Variants in OR7C1 observed in about 807,000 individuals in gnomAD.
OR7C1 encodes olfactory receptor family 7 subfamily C member 1.
For synonymous variants in OR7C1, 152 were observed against 160.7 expected, an observed-to-expected ratio of 0.95 and a Z score of 0.41; for missense variants, 324 against 383.3, an observed-to-expected ratio of 0.85 and a Z score of 1.29.
At chr19:14,815,111 A>G (rs2044710143) in intron 1 of OR7C1, among the ~76,000 whole-genome samples, 1 of 152,184 alleles carries the variant, frequency 6.6e-6, no homozygotes, top group Non-Finnish European at 1.5e-5. Flanking sequence ...TCCACCAGAT[A>G]CTAACTGACC....
intron 1 of OR7C1, among the ~76,000 whole-genome samples, chr19:14,822,371 G>GTATTTT: frequency 1.1e-5 from 1 of 89,014 alleles, no homozygotes; most frequent in Non-Finnish European, 2.2e-5. Flanking sequence ...CTTATCTCCT[G>GTATTTT]TCTTTTTTTT....
intron 1 of OR7C1, chr19:14,828,327 T>C: frequency 1.5e-6 from 2 of 1,360,876 alleles, no homozygotes; most frequent in Non-Finnish European, 2.0e-6. Context: ...ATACCATCAT[T>C]TATATTTTAT....
intron 2 of OR7C1, among the ~76,000 whole-genome samples, chr19:14,804,120 C>T (rs1161430711): frequency 1.3e-5 from 2 of 152,270 alleles, no homozygotes; most frequent in Admixed American, 1.3e-4. Flanking sequence ...CCTGACCTCT[C>T]ACCTGTAGCT....
chr19:14,826,772 T>C (rs1203600795), intron 1 of OR7C1: 1 of 152,442 alleles, frequency 6.6e-6, no homozygotes, highest in African/African-American at 2.4e-5. Flanking sequence ...GACATGGCAC[T>C]GACAAAGACA....
chr19:14,815,804 T>TGTGTGTGTGTGTCTGTGTCTGG lies in OR7C1; in HGVS notation c.-622-5833_-622-5812dup, dbSNP rs911204278. Among the ~76,000 whole-genome samples, 221 of 151,736 alleles carry TGTGTGTGTGTGTCTGTGTCTGG rather than the reference T, an allele frequency of 1.5e-3. 1 individual carries two copies. Among genetic ancestry groups the TGTGTGTGTGTGTCTGTGTCTGG allele is most frequent in the African/African-American group, 5.1e-3 (212 of 41,316 alleles). ...TTGTGCGTGTGTGTGTGTGTGTGTG[T>TGTGTGTGTGTGTCTGTGTCTGG]GTGTGTGTGTGTCTGTGTCTGGGTG... On this transcript the variant is annotated intron_variant, in intron 1 of 4. Coordinates refer to ENST00000641666, the Ensembl canonical transcript of OR7C1.
intron 1 of OR7C1, among the ~76,000 whole-genome samples, chr19:14,819,021 T>C (rs938616556): frequency 6.6e-6 from 1 of 152,176 alleles, no homozygotes; most frequent in East Asian, 1.9e-4. Flanking sequence ...ACTCGTCATT[T>C]AGCATTAGGT....
rs558035093 is a variant in OR7C1 at position 14,818,796 on chromosome 19, A to G, written c.-622-8803T>C. On this transcript the variant is annotated intron_variant, in intron 1 of 4. Coordinates refer to ENST00000641666, the Ensembl canonical transcript of OR7C1. ...GGTCTATCAGTGGGTCACACTGTGT[A>G]TCTCCCTTCTGTTGCATTTTAGATA... 3.3e-5 allele frequency among the ~76,000 whole-genome samples: 5 copies of G among 152,268 alleles called. No individual in the cohort carries two copies. In the East Asian group the frequency reaches 9.6e-4, roughly 29 times the overall value.
chr19:14,814,575 C>G (rs767200364), intron 1 of OR7C1, among the ~76,000 whole-genome samples: 8 of 152,124 alleles, frequency 5.3e-5, no homozygotes, highest in Non-Finnish European at 1.2e-4. Context: ...AGGCACCCAC[C>G]ACCATGCCCA....
chr19:14,806,556 G>A (rs751484932), intron 2 of OR7C1, among the ~76,000 whole-genome samples: 2 of 151,832 alleles, frequency 1.3e-5, no homozygotes, highest in Admixed American at 6.6e-5. Flanking sequence ...ACTGACAGGC[G>A]TCAGTATGTG....
intron 1 of OR7C1, chr19:14,824,101 T>C (rs1478459477): frequency 6.6e-6 from 1 of 152,238 alleles, no homozygotes; most frequent in Non-Finnish European, 1.5e-5. Context: ...TATCCATACA[T>C]GGAGCTCCCT....
chr19:14,814,964 A>G (rs912840968), intron 1 of OR7C1, among the ~76,000 whole-genome samples: 6 of 152,236 alleles, frequency 3.9e-5, no homozygotes, highest in African/African-American at 1.4e-4. Context: ...GCCTAACGCC[A>G]TGCCCGGCAA....
intron 1 of OR7C1, among the ~76,000 whole-genome samples, chr19:14,813,717 G>C (rs1003664015): frequency 1.0e-5 from 1 of 99,724 alleles, no homozygotes; most frequent in Admixed American, 8.9e-5. Flanking sequence ...AGAGAGAGAA[G>C]GGGGGCGTGC....
chr19:14,833,995 C>CCGGGTACTCTAATTTTGGTGACAGA (rs1555696582), intron 1 of OR7C1, among the ~76,000 whole-genome samples: 2 of 152,136 alleles, frequency 1.3e-5, no homozygotes, highest in Non-Finnish European at 2.9e-5. Context: ...CGTGGTGGCA[C>CCGGGTACTCTAATTTTGGTGACAGA]ACGTCTGCAA....
At chr19:14,800,261 T>G in exon 4 of OR7C1, 1 of 1,112,566 alleles carries the variant, frequency 9.0e-7, no homozygotes, top group Non-Finnish European at 1.3e-6. Context: ...ATTGCCTTTT[T>G]CTTGCTGTCT....
At chr19:14,811,569 T>C (rs2044691014) in intron 1 of OR7C1, among the ~76,000 whole-genome samples, 1 of 151,834 alleles carries the variant, frequency 6.6e-6, no homozygotes, top group Non-Finnish European at 1.5e-5. Context: ...GGTGAGGATG[T>C]GAGCTTATCC....
chr19:14,811,765 G>A (rs999558849), intron 1 of OR7C1, among the ~76,000 whole-genome samples: 1 of 151,892 alleles, frequency 6.6e-6, no homozygotes, highest in Non-Finnish European at 1.5e-5. Flanking sequence ...AGTTAAATAT[G>A]GCTTCATTTC....
chr19:14,812,664 C>T (rs2044696901), intron 1 of OR7C1, among the ~76,000 whole-genome samples: 1 of 151,852 alleles, frequency 6.6e-6, no homozygotes, highest in Admixed American at 6.6e-5. Flanking sequence ...AAAGCCACTC[C>T]CTTCACTATC....
chr19:14,811,131 C>T (rs1283327474), intron 1 of OR7C1, among the ~76,000 whole-genome samples: 1 of 151,874 alleles, frequency 6.6e-6, no homozygotes, highest in African/African-American at 2.4e-5. Context: ...AATACTGACA[C>T]TAATGGGCAT....
chr19:14,810,713 C>T (rs1018003299), intron 1 of OR7C1, among the ~76,000 whole-genome samples: 7 of 151,792 alleles, frequency 4.6e-5, no homozygotes, highest in Non-Finnish European at 7.4e-5. Context: ...GCAGCTTTGT[C>T]CTGGCTTCTA....
Sources: gnomAD v4.1 joint callset for allele counts (sites outside exome capture counted in the v4.1 genomes callset) on GRCh38, gnomAD v4.1.1 for gene constraint, MANE v1.5 for transcripts, NCBI Gene and HGNC (gene_info 2026-07-23, HGNC 2026-07-21) for gene names.